The following MAPRE1 variants were observed in gnomAD, a reference collection of about 807,000 sequenced individuals.
MAPRE1 encodes microtubule-associated protein RP/EB family member 1.
Under a neutral mutation model 32.1 loss-of-function variants are expected in MAPRE1, and 5 were observed. That is an observed-to-expected ratio of 0.16 (90% CI 0.08 to 0.33). The LOEUF is 0.33. Among genes scored for constraint, MAPRE1 ranks in the 10% least tolerant of loss-of-function variants. The pLI is 1.00. For synonymous variants in MAPRE1, 122 were observed against 118.9 expected, an observed-to-expected ratio of 1.03 and a Z score of -0.17; for missense variants, 209 against 327.2, an observed-to-expected ratio of 0.64 and a Z score of 2.79.
At chr20:32,820,865 G>C (rs927045331) in intron 1 of MAPRE1, among the ~76,000 whole-genome samples, 1 of 152,176 alleles carries the variant, frequency 6.6e-6, no homozygotes, top group African/African-American at 2.4e-5. Flanking sequence ...ATGCTAGGCC[G>C]GGCATCCGCT....
intron 2 of MAPRE1, among the ~76,000 whole-genome samples, chr20:32,833,365 G>A (rs569855376): frequency 5.9e-5 from 9 of 152,256 alleles, no homozygotes; most frequent in African/African-American, 2.2e-4. Context: ...ATCAGAAAAT[G>A]TCACTTTTGT....
In MAPRE1 at chr20:32,836,977, G is replaced by A. The variant is rs150838168; in HGVS notation, c.475+136G>A. The A allele has an allele frequency of 1.8e-4, 146 of 814,798 alleles. No individual in the cohort carries two copies. The East Asian group carries it at 3.8e-3, about 21-fold the overall frequency. The allele number at this position is 814,798 out of a possible 1,614,324, so 50.5% of individuals were successfully genotyped here. On this transcript the variant is annotated intron_variant, in intron 4 of 6. Coordinates refer to ENST00000375571, the MANE Select transcript of MAPRE1 (RefSeq NM_012325.3). ...AATCCCAGGCATGTGGCCAGAGTAT[G>A]GATTTTGGCATCAGGCAGATAACGG...
At chr20:32,844,439 CTTTTTTTTTTTTTTTTTTT>C (rs71190880) in intron 5 of MAPRE1, among the ~76,000 whole-genome samples, 4 of 52,030 alleles carry the variant, frequency 7.7e-5, no homozygotes, top group Admixed American at 3.7e-4. Flanking sequence ...GCTAGCATTC[CTTTTTTTTTTTTTTTTTTT>C]TTTTTTTTTT....
chr20:32,839,745 G>T lies in MAPRE1; in HGVS notation c.486G>T (p.Arg162Ser). The T allele has an allele frequency of 6.2e-7, 1 of 1,614,076 alleles. No individual in the cohort carries two copies. Among genetic ancestry groups the T allele is most frequent in the South Asian group, 1.1e-5 (1 of 91,078 alleles). The stretch of plus-strand genomic sequence containing the variant: ...TGCTCTCTTTTTCAGCTCCCCAGAG[G>T]CCCATCTCAACACAGAGAACCGCTG... ...PLTSSSAAPQ[R>S]PISTQRTAAA... is the part of the protein sequence containing the mutation. The change falls in exon 5 of 7, where the codon AGG becomes AGT. Residue 162 changes from arginine (R) to serine (S), a missense_variant. Around this residue, in one of 3 missense-constraint regions of MAPRE1, gnomAD observed 106 missense variants for 115.3 expected, o/e 0.92. Coordinates refer to ENST00000375571, the MANE Select transcript of MAPRE1 (RefSeq NM_012325.3).
intron 2 of MAPRE1, among the ~76,000 whole-genome samples, chr20:32,826,871 C>T (rs1037818195): frequency 1.3e-5 from 2 of 151,990 alleles, no homozygotes; most frequent in African/African-American, 4.8e-5. Context: ...CCATCTTCTG[C>T]TCTAGAGACT....
At chr20:32,838,987 C>T (rs1015996344) in intron 4 of MAPRE1, among the ~76,000 whole-genome samples, 6 of 152,140 alleles carry the variant, frequency 3.9e-5, no homozygotes, top group Non-Finnish European at 1.5e-5. Context: ...GATAGGTTGG[C>T]TCCTTTACTC....
At position 32,820,708 on chromosome 20, in the gene MAPRE1, A is replaced by T. The variant is rs180871836; in HGVS notation, c.-4+680A>T. On this transcript the variant is annotated intron_variant, in intron 1 of 6. Coordinates refer to ENST00000375571, the MANE Select transcript of MAPRE1 (RefSeq NM_012325.3). ...GATTTGCTCTCCAGGAATCCACATT[A>T]TGATGAGCAGGAGGACAGTATAACG... Among the ~76,000 whole-genome samples the T allele has an allele frequency of 3.2e-3, 491 of 152,248 alleles. 2 individuals carry two copies. Among genetic ancestry groups the T allele is most frequent in the Non-Finnish European group, 4.2e-3 (285 of 68,020 alleles).
chr20:32,842,843 G>A (rs924217099), intron 5 of MAPRE1, among the ~76,000 whole-genome samples: 4 of 152,186 alleles, frequency 2.6e-5, no homozygotes, highest in Admixed American at 2.0e-4. Context: ...GGGAGAGTGT[G>A]ATTGGGGTCT....
chr20:32,825,724 G>A (rs1375874219), intron 1 of MAPRE1, among the ~76,000 whole-genome samples: 3 of 152,008 alleles, frequency 2.0e-5, no homozygotes, highest in Non-Finnish European at 2.9e-5. Flanking sequence ...GAACTTGGGA[G>A]GTTGCAGTTG....
intron 2 of MAPRE1, among the ~76,000 whole-genome samples, chr20:32,826,684 A>C (rs2146122810): frequency 6.7e-6 from 1 of 149,076 alleles, no homozygotes; most frequent in Admixed American, 6.7e-5. Flanking sequence ...GCATCACCAC[A>C]CCTGGCTAAT....
At chr20:32,838,164 G>T (rs1196150679) in intron 4 of MAPRE1, among the ~76,000 whole-genome samples, 1 of 152,010 alleles carries the variant, frequency 6.6e-6, no homozygotes, top group Non-Finnish European at 1.5e-5. Context: ...CCTCCCTCCA[G>T]CCCTAAGCAA....
intron 2 of MAPRE1, among the ~76,000 whole-genome samples, chr20:32,830,380 G>A (rs1014323590): frequency 2.6e-5 from 4 of 152,036 alleles, no homozygotes; most frequent in Non-Finnish European, 5.9e-5. Context: ...TCTGTTTATG[G>A]GATACTTTTG....
Position 32,824,206 on chromosome 20 carries a change from C to T in MAPRE1, c.-3-1719C>T, listed in dbSNP as rs189438974. ...CACCTTGTCTCTTGCTTTTCTGTAT[C>T]CTGGTCCCTAGAACAGTGCCTAGCA... On this transcript the variant is annotated intron_variant, in intron 1 of 6. Transcript: ENST00000375571. Among the ~76,000 whole-genome samples, 190 of 152,348 alleles carry T rather than the reference C, an allele frequency of 1.2e-3. 2 individuals carry two copies. Among genetic ancestry groups the T allele is most frequent in the Middle Eastern group, 3.4e-3 (1 of 294 alleles).
At chr20:32,842,587 G>C (rs1348927994) in intron 5 of MAPRE1, among the ~76,000 whole-genome samples, 9 of 152,198 alleles carry the variant, frequency 5.9e-5, no homozygotes. Context: ...TGAGGAAGAG[G>C]TTATTTGATT....
In MAPRE1 at chr20:32,830,794, C is replaced by T. The variant is rs192128026; in HGVS notation, c.122-2923C>T. Among the ~76,000 whole-genome samples, 445 of 151,304 alleles carry T rather than the reference C, an allele frequency of 2.9e-3. 1 individual carries two copies. The highest frequency in any genetic ancestry group is 1.0e-2 in the African/African-American group (412 of 41,222). Reference sequence around the variant, plus strand: ...CTCTGTTGCCCAGGCTGGAGATCTCCGCTCACTGCAAGCTCCACCTCCCAG... The same window carrying T: ...CTCTGTTGCCCAGGCTGGAGATCTCTGCTCACTGCAAGCTCCACCTCCCAG... On this transcript the variant is annotated intron_variant, in intron 2 of 6. Coordinates refer to ENST00000375571, the MANE Select transcript of MAPRE1 (RefSeq NM_012325.3).
chr20:32,841,627 G>A (rs1457915116), intron 5 of MAPRE1, among the ~76,000 whole-genome samples: 3 of 51,902 alleles, frequency 5.8e-5, no homozygotes, highest in Non-Finnish European at 1.1e-4. Context: ...TCCCCCCACC[G>A]CACAACAGTC....
At chr20:32,828,115 AG>A (rs1253702645) in intron 2 of MAPRE1, among the ~76,000 whole-genome samples, 1 of 152,098 alleles carries the variant, frequency 6.6e-6, no homozygotes, top group African/African-American at 2.4e-5. Flanking sequence ...GTGGTGCCCA[AG>A]AGTTGTGTTT....
At chr20:32,828,655 CTG>C (rs1982934951) in intron 2 of MAPRE1, among the ~76,000 whole-genome samples, 1 of 152,206 alleles carries the variant, frequency 6.6e-6, no homozygotes, top group African/African-American at 2.4e-5. Context: ...AGATAACTGA[CTG>C]TGTGCCAGAC....
intron 1 of MAPRE1, among the ~76,000 whole-genome samples, chr20:32,822,636 C>A (rs778876220): frequency 1.1e-4 from 16 of 152,078 alleles, no homozygotes; most frequent in Non-Finnish European, 1.9e-4. Flanking sequence ...CTTCTATGAC[C>A]CTTTTCAGAT....
Sources: gnomAD v4.1 joint callset for allele counts (sites outside exome capture counted in the v4.1 genomes callset) on GRCh38, gnomAD v4.1.1 for gene constraint, gnomAD v4.1.1 regional missense constraint, MANE v1.5 for transcripts, NCBI Gene and HGNC (gene_info 2026-07-23, HGNC 2026-07-21) for gene names.